The following GAS2 variants were observed in gnomAD, a reference collection of about 807,000 sequenced individuals.
GAS2 encodes the protein growth arrest specific 2, also known as growth arrest-specific protein 2.
A neutral mutation model predicts 37.5 loss-of-function variants in GAS2; 20 were observed. The ratio of observed to expected loss-of-function variants is 0.53; its 90% confidence interval spans 0.37 to 0.77. The LOEUF (loss-of-function observed/expected upper bound fraction) is 0.77, where lower values mean the gene tolerates loss of function less well. GAS2 is among the 30% of genes least tolerant of loss of function. The pLI is 0.00. For synonymous variants in GAS2, 144 were observed against 132.2 expected (o/e 1.09, Z -0.61); for missense variants, 336 against 373.4 (o/e 0.90, Z 0.82).
intron 6 of GAS2, 75 bp from the exon 7 acceptor site, chr11:22,755,771 G>C: frequency 1.0e-6 from 1 of 999,450 alleles, no homozygotes; most frequent in Non-Finnish European, 1.6e-6. Flanking sequence ...TTCAGGGGCC[G>C]TGGAGTCCTT....
At chr11:22,810,037 G>T (rs188439158) in intron 7 of GAS2, among the ~76,000 whole-genome samples, 245 of 152,296 alleles carry the variant, frequency 1.6e-3, no homozygotes, top group African/African-American at 5.7e-3. Flanking sequence ...CAGAGGTTCT[G>T]TCTAGGTCCT....
chr11:22,756,372 T>C (rs1035836457), intron 7 of GAS2, among the ~76,000 whole-genome samples: 2 of 152,156 alleles, frequency 1.3e-5, no homozygotes, highest in South Asian at 2.1e-4. Flanking sequence ...AAAAGTAATT[T>C]GCTGCTTTAT....
At chr11:22,676,453 G>A (rs11026726) in intron 2 of GAS2, among the ~76,000 whole-genome samples, 3,779 of 152,216 alleles carry the variant, frequency 0.025, 72 homozygotes, top group East Asian at 0.066. Context: ...ACAGGCGCTG[G>A]AAATAGACTG....
intron 3 of GAS2, among the ~76,000 whole-genome samples, chr11:22,707,641 G>T (rs1851191606): frequency 6.6e-6 from 1 of 152,162 alleles, no homozygotes; most frequent in South Asian, 2.1e-4. Context: ...GCAAAAAAAT[G>T]TACAGAGAAA....
chr11:22,691,925 C>T (rs1379224673), intron 3 of GAS2, among the ~76,000 whole-genome samples: 1 of 152,074 alleles, frequency 6.6e-6, no homozygotes, highest in African/African-American at 2.4e-5. Context: ...AATTATTCAC[C>T]TCCAAATCAG....
chr11:22,683,922 T>C (rs1849818975), intron 2 of GAS2, among the ~76,000 whole-genome samples: 1 of 152,244 alleles, frequency 6.6e-6, no homozygotes, highest in Admixed American at 6.5e-5. Context: ...CTACTAACAA[T>C]AGAATATGTT....
intron 3 of GAS2, among the ~76,000 whole-genome samples, chr11:22,708,593 A>G (rs952180458): frequency 6.6e-6 from 1 of 151,936 alleles, no homozygotes; most frequent in Non-Finnish European, 1.5e-5. Flanking sequence ...ACTTATGACC[A>G]CTCCATTCTG....
upstream of GAS2, among the ~76,000 whole-genome samples, chr11:22,664,600 A>C (rs1012151688): frequency 2.0e-5 from 3 of 152,142 alleles, no homozygotes; most frequent in African/African-American, 7.2e-5. Context: ...CTTCCTTTGC[A>C]TTCACATTAG....
Position 22,752,507 on chromosome 11 carries a change from C to T in GAS2, c.615+3246C>T, listed in dbSNP as rs558397854. Among the ~76,000 whole-genome samples, 5 of 151,920 alleles carry T rather than the reference C, an allele frequency of 3.3e-5. No homozygotes were observed. The South Asian group carries it at 8.3e-4, about 25-fold the overall frequency. On this transcript the variant is annotated intron_variant, in intron 6 of 7. Transcript: ENST00000454584. ...TGCATGTGAGGCACATATAGCAGTTCGGGGTTGAAAATGATGTACTCCAAC... is the reference window on the plus strand; with the variant it reads ...TGCATGTGAGGCACATATAGCAGTTTGGGGTTGAAAATGATGTACTCCAAC...
intron 7 of GAS2, among the ~76,000 whole-genome samples, chr11:22,789,523 G>A (rs1274221083): frequency 3.0e-5 from 4 of 133,560 alleles, no homozygotes; most frequent in African/African-American, 5.6e-5. Context: ...GTGCAGTGGC[G>A]TGATCTCGGC....
At chr11:22,748,598 G>A (rs74911320) in intron 5 of GAS2, among the ~76,000 whole-genome samples, 2,095 of 152,016 alleles carry the variant, frequency 0.014, 56 homozygotes, top group African/African-American at 0.048. Flanking sequence ...CTATGACATT[G>A]TATAACCCAT....
intron 4 of GAS2, among the ~76,000 whole-genome samples, 176 bp downstream of exon 4, chr11:22,726,609 A>G (rs972775219): frequency 1.2e-4 from 18 of 152,162 alleles, no homozygotes; most frequent in Non-Finnish European, 2.6e-4. Flanking sequence ...TTGAAAATAG[A>G]AAAATGAATA....
At chr11:22,784,549 C>T (rs1038354977) in intron 7 of GAS2, among the ~76,000 whole-genome samples, 4 of 152,080 alleles carry the variant, frequency 2.6e-5, no homozygotes, top group African/African-American at 7.2e-5. Flanking sequence ...GGTGATTATA[C>T]GTTAAGAGCC....
intron 7 of GAS2, among the ~76,000 whole-genome samples, chr11:22,801,512 C>G (rs1017005441): frequency 6.6e-6 from 1 of 151,254 alleles, no homozygotes; most frequent in Non-Finnish European, 1.5e-5. Context: ...AATGTGTATT[C>G]AATTCAGTAA....
At chr11:22,761,355 A>C (rs1225036231) in intron 7 of GAS2, among the ~76,000 whole-genome samples, 1 of 152,214 alleles carries the variant, frequency 6.6e-6, no homozygotes, top group Non-Finnish European at 1.5e-5. Flanking sequence ...TAGAACATCT[A>C]TGTGATAAGG....
intron 7 of GAS2, among the ~76,000 whole-genome samples, chr11:22,804,772 G>A (rs1856812662): frequency 6.6e-6 from 1 of 152,056 alleles, no homozygotes; most frequent in Non-Finnish European, 1.5e-5. Context: ...TAAAGGTGAA[G>A]TCATTGGTAG....
chr11:22,761,768 T>C (rs188625984), intron 7 of GAS2, among the ~76,000 whole-genome samples: 179 of 152,228 alleles, frequency 1.2e-3, no homozygotes, highest in Non-Finnish European at 2.2e-3. Flanking sequence ...ATTTTACAGA[T>C]GGGGAAACTG....
chr11:22,634,225 T>A (rs1858788592), intron 1 of GAS2, among the ~76,000 whole-genome samples: 1 of 151,988 alleles, frequency 6.6e-6, no homozygotes, highest in South Asian at 2.1e-4. Context: ...AACCATCAGA[T>A]CTTGTGATAC....
chr11:22,658,208 T>C (rs1362572474), intron 1 of GAS2, among the ~76,000 whole-genome samples: 1 of 151,962 alleles, frequency 6.6e-6, no homozygotes, highest in Non-Finnish European at 1.5e-5. Flanking sequence ...AAAATATTTT[T>C]AGTAGAGGTG....
Sources: gnomAD v4.1 joint callset for allele counts (sites outside exome capture counted in the v4.1 genomes callset) on GRCh38, gnomAD v4.1.1 for gene constraint, MANE v1.5 for transcripts, NCBI Gene and HGNC (gene_info 2026-07-23, HGNC 2026-07-21) for gene names.